SLC14A2: variants seen among roughly 807,000 people sequenced by gnomAD.
The protein encoded by SLC14A2 is solute carrier family 14 member 2, also known as urea transporter 2.
SLC14A2 carries 91 observed loss-of-function variants against 104.6 expected under a neutral mutation model. The observed-to-expected ratio is 0.87, with a 90% confidence interval of 0.73 to 1.04. The LOEUF is 1.04. Ranked by LOEUF, SLC14A2 falls within the 50% of genes least tolerant of loss-of-function variation. SLC14A2 has a pLI of 0.00. For synonymous variants in SLC14A2, 476 were observed against 466.4 expected, an observed-to-expected ratio of 1.02 and a Z score of -0.27; for missense variants, 1,189 against 1,156.0, an observed-to-expected ratio of 1.03 and a Z score of -0.41.
chr18:45,233,182 A>G (rs1200094360), intron 1 of SLC14A2, among the ~76,000 whole-genome samples: 1 of 152,146 alleles, frequency 6.6e-6, no homozygotes, highest in African/African-American at 2.4e-5. Context: ...GTTGCTGGAG[A>G]GGCTCACACA....
Position 45,637,189 on chromosome 18 carries a change from T to C in SLC14A2, c.843+7T>C. ...AGAGATGGAAATGCCCCTGGTAAGT[T>C]ACCCAGCGGTGATGAGTTGAGACCC... On this transcript the variant is annotated splice_region_variant and intron_variant, in intron 6 of 19. Transcript: ENST00000255226. 1 of 1,612,376 alleles carries C rather than the reference T, an allele frequency of 6.2e-7. No homozygotes were observed. Among genetic ancestry groups the C allele is most frequent in the East Asian group, 2.2e-5 (1 of 44,878 alleles).
At chr18:45,233,841 T>C (rs962309441) in intron 1 of SLC14A2, among the ~76,000 whole-genome samples, 3 of 149,076 alleles carry the variant, frequency 2.0e-5, no homozygotes, top group Non-Finnish European at 4.4e-5. Flanking sequence ...GTCCTTTATG[T>C]AAAAAAGTGG....
intron 1 of SLC14A2, among the ~76,000 whole-genome samples, chr18:45,478,822 GA>G (rs2087436487): frequency 1.3e-5 from 2 of 151,954 alleles, no homozygotes; most frequent in Non-Finnish European, 2.9e-5. Flanking sequence ...AATTAAAGTG[GA>G]ACCTATCTTC....
At chr18:45,323,343 A>G (rs1299036813) in intron 1 of SLC14A2, among the ~76,000 whole-genome samples, 1 of 152,186 alleles carries the variant, frequency 6.6e-6, no homozygotes, top group African/African-American at 2.4e-5. Flanking sequence ...GCCTCTCCCA[A>G]GGAGCCACCA....
chr18:45,626,593 C>T (rs1209810245), intron 3 of SLC14A2, among the ~76,000 whole-genome samples: 1 of 151,914 alleles, frequency 6.6e-6, no homozygotes, highest in East Asian at 1.9e-4. Context: ...GAATTTCCTG[C>T]CCCCACCCCC....
chr18:45,579,985 AG>A (rs1451142254), intron 2 of SLC14A2, among the ~76,000 whole-genome samples: 1 of 152,224 alleles, frequency 6.6e-6, no homozygotes, highest in Non-Finnish European at 1.5e-5. Context: ...GGACTCGGGA[AG>A]CCTTGAGGTT....
chr18:45,191,809 C>T, the SLC14A2 span, among the ~76,000 whole-genome samples: 2 of 152,052 alleles, frequency 1.3e-5, no homozygotes, highest in Non-Finnish European at 2.9e-5. Flanking sequence ...TGGGAGAAAC[C>T]AGGTAGAAAC....
At chr18:45,322,547 C>T (rs528390156) in intron 1 of SLC14A2, among the ~76,000 whole-genome samples, 1 of 152,324 alleles carries the variant, frequency 6.6e-6, no homozygotes, top group South Asian at 2.1e-4. Context: ...ATTTGTTTGA[C>T]CTTTCAGGTA....
intron 1 of SLC14A2, among the ~76,000 whole-genome samples, chr18:45,462,028 C>T (rs1396303711): frequency 6.6e-6 from 1 of 152,128 alleles, no homozygotes; most frequent in Admixed American, 6.5e-5. Context: ...GCCAGTGCTA[C>T]CTGGAAGAAA....
At position 45,479,161 on chromosome 18, in the gene SLC14A2, T is replaced by C. The variant is rs553918532; in HGVS notation, c.-124-4072T>C. On this transcript the variant is annotated intron_variant, in intron 1 of 20. Transcript: ENST00000586448. The stretch of plus-strand genomic sequence containing the variant: ...CTTATTATTATTGTCTTGGAACAAA[T>C]TCAAAAGGAAGTGGGCAGGGCTATC... Among the ~76,000 whole-genome samples the C allele has an allele frequency of 5.9e-5, 9 of 152,318 alleles. 1 individual carries two copies. The East Asian group carries it at 1.2e-3, about 20-fold the overall frequency.
intron 1 of SLC14A2, among the ~76,000 whole-genome samples, chr18:45,330,171 G>C (rs1180437778): frequency 1.3e-5 from 2 of 152,166 alleles, no homozygotes; most frequent in Non-Finnish European, 2.9e-5. Context: ...AAAGCAAGCA[G>C]AACTGATATC....
the SLC14A2 span, among the ~76,000 whole-genome samples, chr18:45,197,546 C>A: frequency 6.6e-6 from 1 of 152,196 alleles, no homozygotes; most frequent in Non-Finnish European, 1.5e-5. Flanking sequence ...TTGTGACAGT[C>A]TTGTGGGTTC....
intron 10 of SLC14A2, among the ~76,000 whole-genome samples, chr18:45,654,463 G>C (rs1206200607): frequency 2.6e-5 from 4 of 152,130 alleles, no homozygotes; most frequent in Admixed American, 6.5e-5. Flanking sequence ...GAAGTCCTGG[G>C]GGAGAGAGCT....
chr18:45,216,713 TAGG>T (rs939135820), intron 1 of SLC14A2, among the ~76,000 whole-genome samples: 2 of 152,102 alleles, frequency 1.3e-5, no homozygotes, highest in Non-Finnish European at 2.9e-5. Context: ...ATCTTGGACA[TAGG>T]GGGGCCGAGC....
At chr18:45,507,480 G>T (rs2043304126) in intron 2 of SLC14A2, 1 of 152,224 alleles carries the variant, frequency 6.6e-6, no homozygotes, top group South Asian at 2.1e-4. Flanking sequence ...GGAGAGACCA[G>T]GCTGACCCTC....
intron 2 of SLC14A2, among the ~76,000 whole-genome samples, chr18:45,607,129 G>A (rs757160308): frequency 3.3e-5 from 5 of 152,030 alleles, no homozygotes; most frequent in Middle Eastern, 3.2e-3. Context: ...TCTCGCTGAA[G>A]GCAATGTTGG....
chr18:45,662,377 G>A (rs1398832488), intron 10 of SLC14A2, among the ~76,000 whole-genome samples: 3 of 152,190 alleles, frequency 2.0e-5, no homozygotes, highest in African/African-American at 7.2e-5. Flanking sequence ...TGTTGGCCCT[G>A]CTATGTTCTG....
chr18:45,595,496 G>A (rs373947213), intron 2 of SLC14A2, among the ~76,000 whole-genome samples: 1 of 151,968 alleles, frequency 6.6e-6, no homozygotes, highest in Admixed American at 6.5e-5. Flanking sequence ...CATTTAGACT[G>A]TCTTTCCACT....
chr18:45,555,320 A>G (rs556266889), intron 2 of SLC14A2, among the ~76,000 whole-genome samples: 1 of 152,326 alleles, frequency 6.6e-6, no homozygotes, highest in South Asian at 2.1e-4. Context: ...TCCCTGACTT[A>G]ACAATGGTTT....
Sources: allele counts gnomAD v4.1 joint callset (sites outside exome capture counted in the v4.1 genomes callset), GRCh38; gene constraint gnomAD v4.1.1; transcripts MANE v1.5; gene names NCBI Gene and HGNC (gene_info 2026-07-23, HGNC 2026-07-21).